The following DOK6 variants were observed in gnomAD, a reference collection of about 807,000 sequenced individuals.
DOK6 encodes the protein downstream of tyrosine kinase 6.
A neutral mutation model predicts 44.0 loss-of-function variants in DOK6; 22 were observed. The observed-to-expected ratio is 0.50, with a 90% CI of 0.36 to 0.71. The LOEUF is 0.71. Among genes scored for constraint, DOK6 ranks in the 30% least tolerant of loss-of-function variants. The probability of loss-of-function intolerance (pLI) is 0.00; values close to 1 mark genes in which losing one functional copy is unlikely to be tolerated. For missense variants in DOK6, 340 were observed against 416.4 expected, an observed-to-expected ratio of 0.82 and a Z score of 1.60; for synonymous variants, 166 against 145.5, an observed-to-expected ratio of 1.14 and a Z score of -1.01.
intron 7 of DOK6, among the ~76,000 whole-genome samples, chr18:69,836,441 T>G (rs1009222369): frequency 6.6e-6 from 1 of 152,192 alleles, no homozygotes; most frequent in Non-Finnish European, 1.5e-5. Flanking sequence ...AGTGGTAGTA[T>G]GAATGTCATT....
At chr18:69,832,155 C>G (rs573448061) in intron 7 of DOK6, among the ~76,000 whole-genome samples, 1 of 152,234 alleles carries the variant, frequency 6.6e-6, no homozygotes, top group Non-Finnish European at 1.5e-5. Flanking sequence ...CAGTATGATA[C>G]TAGCTGTGGG....
At chr18:69,804,970 G>T (rs886388935) in intron 7 of DOK6, among the ~76,000 whole-genome samples, 1 of 152,122 alleles carries the variant, frequency 6.6e-6, no homozygotes, top group African/African-American at 2.4e-5. Context: ...ACAGGGGAAA[G>T]GTCAAAATAC....
intron 1 of DOK6, among the ~76,000 whole-genome samples, chr18:69,559,908 C>T (rs772216599): frequency 2.0e-4 from 30 of 152,046 alleles, no homozygotes; most frequent in Non-Finnish European, 3.4e-4. Flanking sequence ...CTTGTAAGAG[C>T]ACTAATCCCA....
chr18:69,816,525 G>A (rs1378749218), intron 7 of DOK6, among the ~76,000 whole-genome samples: 1 of 152,134 alleles, frequency 6.6e-6, no homozygotes, highest in East Asian at 1.9e-4. Flanking sequence ...TGTTACTTTG[G>A]AGTATTATAT....
intron 6 of DOK6, among the ~76,000 whole-genome samples, chr18:69,741,665 T>G (rs1186259470): frequency 6.6e-6 from 1 of 152,090 alleles, no homozygotes; most frequent in Non-Finnish European, 1.5e-5. Context: ...CCTAGCCAAT[T>G]TTTGTATTTT....
At chr18:69,548,220 T>C (rs1982462491) in intron 1 of DOK6, among the ~76,000 whole-genome samples, 1 of 151,352 alleles carries the variant, frequency 6.6e-6, no homozygotes, top group South Asian at 2.1e-4. Context: ...CCCAAAGTGC[T>C]GGGATTACAG....
intron 1 of DOK6, among the ~76,000 whole-genome samples, chr18:69,475,488 G>A (rs934645752): frequency 3.9e-5 from 6 of 152,186 alleles, no homozygotes; most frequent in Non-Finnish European, 1.5e-5. Context: ...TTGGCAAATA[G>A]TTTAACTTTT....
intron 1 of DOK6, among the ~76,000 whole-genome samples, chr18:69,468,688 A>G (rs974257224): frequency 1.3e-5 from 2 of 152,254 alleles, no homozygotes; most frequent in African/African-American, 4.8e-5. Flanking sequence ...ACACAATGTC[A>G]TATGATATAC....
rs137892658 is a variant in DOK6, at chr18:69,641,884, A to G, written c.290-35850A>G. On this transcript the variant is annotated intron_variant, in intron 3 of 7. Coordinates refer to ENST00000382713, the MANE Select transcript of DOK6 (RefSeq NM_152721.6). ...ATAATTATCTGAGATGTGAAACTGC[A>G]TGTTCTTTCCCCCTCTCTCTCCAGC... Among the ~76,000 whole-genome samples, 441 of 152,320 alleles carry G rather than the reference A, an allele frequency of 2.9e-3. 1 individual carries two copies. Among genetic ancestry groups the G allele is most frequent in the African/African-American group, 0.01 (421 of 41,566 alleles).
intron 7 of DOK6, among the ~76,000 whole-genome samples, chr18:69,769,933 G>C (rs916709583): frequency 5.3e-5 from 8 of 152,078 alleles, no homozygotes; most frequent in Admixed American, 1.3e-4. Context: ...AGATTGCATG[G>C]TCTGAATAGC....
intron 5 of DOK6, among the ~76,000 whole-genome samples, chr18:69,729,220 A>G (rs1279078520): frequency 6.6e-6 from 1 of 152,176 alleles, no homozygotes; most frequent in Admixed American, 6.5e-5. Flanking sequence ...CAACATACAA[A>G]TACTAAATAC....
At position 69,618,607 on chromosome 18, in the gene DOK6, C is replaced by G. The variant is rs185904117; in HGVS notation, c.289+19109C>G. ...ACAGCGAAAGGCACATTTTACATGGCAGCAGACGAGAGAATGAGGGCCAAG... is the reference window on the plus strand; with the variant it reads ...ACAGCGAAAGGCACATTTTACATGGGAGCAGACGAGAGAATGAGGGCCAAG... On this transcript the variant is annotated intron_variant, in intron 3 of 7. Coordinates refer to ENST00000382713, the MANE Select transcript of DOK6 (RefSeq NM_152721.6). 6.0e-3 allele frequency: 927 copies of G among 153,344 alleles called. 12 individuals are homozygous for G. The highest frequency in any genetic ancestry group is 0.021 in the African/African-American group (881 of 41,572). 9.5% of individuals were successfully genotyped at this position (153,344 alleles called of 1,614,324 possible). A position where few individuals can be genotyped will look rare whatever the true frequency, so the allele number is the denominator to read the frequency against.
intron 5 of DOK6, among the ~76,000 whole-genome samples, chr18:69,712,018 ACGC>A (rs1599278626): frequency 2.0e-5 from 3 of 152,110 alleles, no homozygotes; most frequent in African/African-American, 7.2e-5. Flanking sequence ...GCGGTGGCTC[ACGC>A]CTGTAATCCC....
intron 3 of DOK6, among the ~76,000 whole-genome samples, chr18:69,620,260 T>C (rs1984409754): frequency 6.6e-6 from 1 of 152,216 alleles, no homozygotes; most frequent in African/African-American, 2.4e-5. Flanking sequence ...TTATACTCCA[T>C]TATTTGCCAA....
chr18:69,507,555 T>C (rs1981230451), intron 1 of DOK6, among the ~76,000 whole-genome samples: 1 of 152,166 alleles, frequency 6.6e-6, no homozygotes, highest in African/African-American at 2.4e-5. Flanking sequence ...TTTAAATCTT[T>C]TATTTCTTTC....
chr18:69,509,750 T>G (rs1044584215), intron 1 of DOK6, among the ~76,000 whole-genome samples: 1 of 152,082 alleles, frequency 6.6e-6, no homozygotes, highest in African/African-American at 2.4e-5. Context: ...AATTGTTCAC[T>G]TAATATTTAA....
chr18:69,485,634 A>G (rs920624013), intron 1 of DOK6, among the ~76,000 whole-genome samples: 2 of 152,018 alleles, frequency 1.3e-5, no homozygotes, highest in Non-Finnish European at 2.9e-5. Context: ...CAAACATTCA[A>G]CTCGGTTTGA....
intron 7 of DOK6, among the ~76,000 whole-genome samples, chr18:69,800,284 C>A (rs1396911408): frequency 6.6e-6 from 1 of 152,060 alleles, no homozygotes; most frequent in Non-Finnish European, 1.5e-5. Context: ...TCCTGTCTTA[C>A]AATTAGTTTC....
At chr18:69,795,188 G>A (rs1772831884) in intron 7 of DOK6, among the ~76,000 whole-genome samples, 1 of 151,856 alleles carries the variant, frequency 6.6e-6, no homozygotes, top group Non-Finnish European at 1.5e-5. Context: ...CTTGGAGTTC[G>A]GACACCTGGG....
Sources: gnomAD v4.1 joint callset for allele counts (sites outside exome capture counted in the v4.1 genomes callset) on GRCh38, gnomAD v4.1.1 for gene constraint, MANE v1.5 for transcripts, NCBI Gene and HGNC (gene_info 2026-07-23, HGNC 2026-07-21) for gene names.